PTPRD: variants seen among roughly 807,000 people sequenced by gnomAD.
PTPRD encodes the protein receptor-type tyrosine-protein phosphatase delta.
PTPRD carries 34 observed loss-of-function variants against 214.5 expected under a neutral mutation model. The observed-to-expected ratio is 0.16, with a 90% CI of 0.12 to 0.21. The LOEUF is 0.21. PTPRD is among the 10% of genes least tolerant of loss of function. PTPRD has a pLI of 1.00. For missense variants in PTPRD, 2,545 were observed against 2,398.7 expected (o/e 1.06, Z -1.27); for synonymous variants, 1,128 against 845.7 (o/e 1.33, Z -5.79).
At chr9:9,065,971 T>C (rs1230343191) in intron 10 of PTPRD, among the ~76,000 whole-genome samples, 1 of 152,160 alleles carries the variant, frequency 6.6e-6, no homozygotes, top group African/African-American at 2.4e-5. Context: ...ATAACACCAT[T>C]GTTATATAAT....
At chr9:9,608,942 C>G (rs1009538725) in intron 7 of PTPRD, among the ~76,000 whole-genome samples, 2 of 152,106 alleles carry the variant, frequency 1.3e-5, no homozygotes, top group Non-Finnish European at 2.9e-5. Context: ...TACTACTTCC[C>G]TTTGTTCTGA....
chr9:8,935,249 AG>A lies in PTPRD; in HGVS notation c.-104+83447del, dbSNP rs747167932. On this transcript the variant is annotated intron_variant, in intron 11 of 45. Transcript: ENST00000381196. ...ACTGTTGGAAGTAATAAAAAAATTC[AG>A]TAAAGTTGCAGAATACAAAATCAGT... Among the ~76,000 whole-genome samples, 7 of 152,208 alleles carry A rather than the reference AG, an allele frequency of 4.6e-5. 1 individual carries two copies. Among genetic ancestry groups the A allele is most frequent in the Non-Finnish European group, 8.8e-5 (6 of 68,028 alleles).
At position 10,113,081 on chromosome 9, in the gene PTPRD, G is replaced by C. The variant is rs150155902; in HGVS notation, c.-544-79291C>G. ...CTGTGTCACACTCAAAGTTCCTTTA[G>C]TCTCAGCACTCACTTTTATCAAGCC... On this transcript the variant is annotated intron_variant, in intron 3 of 45. Coordinates refer to ENST00000381196, the MANE Select transcript of PTPRD (RefSeq NM_002839.4). 1.5e-4 allele frequency among the ~76,000 whole-genome samples: 23 copies of C among 152,284 alleles called. No homozygotes were observed. The East Asian group carries it at 4.4e-3, about 29-fold the overall frequency.
chr9:10,312,863 TG>T (rs1307468149), intron 3 of PTPRD, among the ~76,000 whole-genome samples: 1 of 152,020 alleles, frequency 6.6e-6, no homozygotes, highest in Non-Finnish European at 1.5e-5. Flanking sequence ...TGTAATTTTA[TG>T]AAATATAAAA....
At chr9:10,217,119 T>C (rs755283576) in intron 3 of PTPRD, among the ~76,000 whole-genome samples, 15 of 151,966 alleles carry the variant, frequency 9.9e-5, no homozygotes, top group African/African-American at 3.4e-4. Flanking sequence ...TCAAGTGGCA[T>C]TGAAACTAGC....
chr9:9,373,402 C>T (rs2060032358), intron 9 of PTPRD, among the ~76,000 whole-genome samples: 1 of 152,064 alleles, frequency 6.6e-6, no homozygotes, highest in Non-Finnish European at 1.5e-5. Context: ...CTTAGTGCTG[C>T]TGTAACAAAT....
intron 5 of PTPRD, among the ~76,000 whole-genome samples, chr9:9,883,816 C>T (rs1224043644): frequency 2.6e-5 from 4 of 152,052 alleles, no homozygotes; most frequent in South Asian, 2.1e-4. Flanking sequence ...CTTTTCAATA[C>T]CCAAGGGAAA....
At chr9:9,969,101 C>G (rs1007991842) in intron 4 of PTPRD, among the ~76,000 whole-genome samples, 13 of 152,074 alleles carry the variant, frequency 8.5e-5, no homozygotes, top group African/African-American at 3.1e-4. Context: ...AAGCATGTGA[C>G]ACGTCCATAA....
At chr9:9,337,271 A>T (rs1211046972) in intron 9 of PTPRD, among the ~76,000 whole-genome samples, 1 of 152,206 alleles carries the variant, frequency 6.6e-6, no homozygotes, top group Non-Finnish European at 1.5e-5. Context: ...CCAAAATTGT[A>T]GTCAGCAATG....
intron 2 of PTPRD, among the ~76,000 whole-genome samples, chr9:10,532,971 G>C (rs182866096): frequency 1.3e-5 from 2 of 152,144 alleles, no homozygotes; most frequent in East Asian, 3.9e-4. Context: ...GTAGGGTCTA[G>C]AGGAAGGCAT....
At chr9:8,403,042 C>A (rs1336773307) in intron 36 of PTPRD, among the ~76,000 whole-genome samples, 1 of 152,048 alleles carries the variant, frequency 6.6e-6, no homozygotes, top group East Asian at 1.9e-4. Flanking sequence ...TAGGATTGTT[C>A]AAATGCTGAA....
At chr9:8,417,306 G>A (rs1490984018) in intron 35 of PTPRD, among the ~76,000 whole-genome samples, 1 of 152,094 alleles carries the variant, frequency 6.6e-6, no homozygotes, top group Non-Finnish European at 1.5e-5. Flanking sequence ...ACACCCAACA[G>A]TGCTGCCCCA....
At chr9:9,463,984 T>C (rs192150828) in intron 8 of PTPRD, among the ~76,000 whole-genome samples, 10 of 152,304 alleles carry the variant, frequency 6.6e-5, no homozygotes, top group African/African-American at 2.4e-4. Context: ...CTGCTTCTTG[T>C]TAACTAACTC....
At chr9:8,779,417 A>C (rs2095608083) in intron 11 of PTPRD, among the ~76,000 whole-genome samples, 1 of 149,196 alleles carries the variant, frequency 6.7e-6, no homozygotes. Flanking sequence ...TGGGGCCGGG[A>C]GGTGGGGCGG....
intron 2 of PTPRD, among the ~76,000 whole-genome samples, chr9:10,545,541 T>C (rs1281280126): frequency 2.6e-5 from 4 of 152,152 alleles, no homozygotes; most frequent in African/African-American, 9.7e-5. Context: ...TGATTTTGTA[T>C]TTATTTTGAT....
chr9:9,170,893 C>A (rs974084690), intron 10 of PTPRD, among the ~76,000 whole-genome samples: 1 of 152,058 alleles, frequency 6.6e-6, no homozygotes, highest in African/African-American at 2.4e-5. Context: ...GATAATGAGC[C>A]AGCCTCAGGA....
At chr9:8,455,823 A>G (rs1022675847) in intron 33 of PTPRD, among the ~76,000 whole-genome samples, 1 of 152,208 alleles carries the variant, frequency 6.6e-6, no homozygotes, top group Admixed American at 6.5e-5. Context: ...AGAAAAATCT[A>G]TGCCTCAGGA....
intron 7 of PTPRD, among the ~76,000 whole-genome samples, chr9:9,675,832 T>G (rs2096918213): frequency 6.6e-6 from 1 of 152,008 alleles, no homozygotes; most frequent in Non-Finnish European, 1.5e-5. Flanking sequence ...AACATCGACC[T>G]AATCTTAATA....
chr9:9,822,519 A>G (rs2051148508), intron 5 of PTPRD, among the ~76,000 whole-genome samples: 1 of 148,316 alleles, frequency 6.7e-6, no homozygotes. Flanking sequence ...ATATATACAT[A>G]ATATATTATA....
Sources: allele counts gnomAD v4.1 joint callset (sites outside exome capture counted in the v4.1 genomes callset), GRCh38; gene constraint gnomAD v4.1.1; transcripts MANE v1.5; gene names NCBI Gene and HGNC (gene_info 2026-07-23, HGNC 2026-07-21).